The following KATNIP variants were observed in gnomAD, a reference collection of about 807,000 sequenced individuals.
The protein encoded by KATNIP is katanin interacting protein.
Under a neutral mutation model 174.0 loss-of-function variants are expected in KATNIP, and 126 were observed. The ratio of observed to expected loss-of-function variants is 0.72; its 90% CI spans 0.63 to 0.84. The LOEUF is 0.84. Among genes scored for constraint, KATNIP ranks in the 40% least tolerant of loss-of-function variants. The pLI is 0.00. For synonymous variants in KATNIP, 810 were observed against 835.7 expected (o/e 0.97, Z 0.53); for missense variants, 1,958 against 2,109.7 (o/e 0.93, Z 1.41).
At chr16:27,632,004 G>A (rs1012152109) in intron 5 of KATNIP, among the ~76,000 whole-genome samples, 8 of 152,168 alleles carry the variant, frequency 5.3e-5, no homozygotes, top group Non-Finnish European at 1.5e-5. Context: ...TCTTTATAAG[G>A]AGCTGAAGAG....
intron 13 of KATNIP, among the ~76,000 whole-genome samples, chr16:27,716,990 G>A (rs1335133088): frequency 6.6e-6 from 1 of 151,948 alleles, no homozygotes; most frequent in Non-Finnish European, 1.5e-5. Flanking sequence ...GACTACGGGC[G>A]GCGCCACCAC....
chr16:27,746,322 A>G (rs889678378), intron 15 of KATNIP, among the ~76,000 whole-genome samples: 3 of 152,188 alleles, frequency 2.0e-5, no homozygotes, highest in Non-Finnish European at 4.4e-5. Context: ...AGTGGAAATC[A>G]AATCACATAA....
chr16:27,695,315 C>T (rs760498033), intron 8 of KATNIP, among the ~76,000 whole-genome samples: 3 of 152,230 alleles, frequency 2.0e-5, no homozygotes, highest in East Asian at 3.8e-4. Context: ...CAGTGCCCTG[C>T]AAGGCCCTGC....
At chr16:27,654,958 T>G (rs2077221297) in intron 6 of KATNIP, among the ~76,000 whole-genome samples, 2 of 151,376 alleles carry the variant, frequency 1.3e-5, no homozygotes, top group South Asian at 4.2e-4. Flanking sequence ...CAAGACCTTG[T>G]CTCAACTAAA....
At chr16:27,607,120 C>T (rs903121184) in intron 2 of KATNIP, among the ~76,000 whole-genome samples, 2 of 152,090 alleles carry the variant, frequency 1.3e-5, no homozygotes, top group South Asian at 4.1e-4. Flanking sequence ...AATGCACTGG[C>T]CGGGCCTGCA....
intron 6 of KATNIP, among the ~76,000 whole-genome samples, chr16:27,665,663 C>T (rs1161947769): frequency 4.2e-4 from 63 of 150,988 alleles, no homozygotes; most frequent in Non-Finnish European, 3.8e-4. Flanking sequence ...TGCACTGGTA[C>T]GATCTTGGCT....
At chr16:27,654,816 T>C in intron 6 of KATNIP, 5 of 1,272,702 alleles carry the variant, frequency 3.9e-6, no homozygotes, top group South Asian at 1.2e-5. Flanking sequence ...TGCCTTAAGA[T>C]GGACTCCGTG....
At chr16:27,620,678 G>A (rs376056371) in intron 3 of KATNIP, among the ~76,000 whole-genome samples, 23 of 152,284 alleles carry the variant, frequency 1.5e-4, no homozygotes, top group African/African-American at 3.6e-4. Flanking sequence ...TGAGCTTTAC[G>A]CTGGACATTG....
At chr16:27,715,394 A>G (rs1289294304) in intron 13 of KATNIP, among the ~76,000 whole-genome samples, 3 of 152,242 alleles carry the variant, frequency 2.0e-5, no homozygotes, top group East Asian at 1.9e-4. Context: ...AGTCTTAGCT[A>G]TGACATCCAA....
chr16:27,771,871 G>A (rs868324975), intron 22 of KATNIP, among the ~76,000 whole-genome samples: 7 of 152,186 alleles, frequency 4.6e-5, no homozygotes, highest in Non-Finnish European at 8.8e-5. Flanking sequence ...GCTGGAGGGG[G>A]CAGCACCCAG....
Position 27,721,801 on chromosome 16 carries a change from C to T in KATNIP, c.1743+106C>T, listed in dbSNP as rs982199469. 1.1e-4 allele frequency: 143 copies of T among 1,284,784 alleles called. No homozygotes were observed. In the East Asian group the frequency reaches 2.9e-3, roughly 26 times the overall value. The allele number at this position is 1,284,784 out of a possible 1,614,324, so 79.6% of individuals were successfully genotyped here. On this transcript the variant is annotated intron_variant, in intron 14 of 27. Transcript: ENST00000261588. Reference sequence around the variant, plus strand: ...AGTTGCAAAATGGATACACGGAAGCCCTGCTGGCCTCGTGTGTGCAGCAAG... The same window carrying T: ...AGTTGCAAAATGGATACACGGAAGCTCTGCTGGCCTCGTGTGTGCAGCAAG...
In KATNIP at chr16:27,731,245, C is replaced by T. The variant is rs963302364; in HGVS notation, c.1744-8796C>T. On this transcript the variant is annotated intron_variant, in intron 14 of 27. Transcript: ENST00000261588. ...TTTTGACCTCAGTATGCATGGGGCT[C>T]CTCCTATGGCTGCTGCCAACCTCTG... Among the ~76,000 whole-genome samples the T allele has an allele frequency of 2.6e-5, 4 of 152,188 alleles. No homozygotes were observed. The South Asian group carries it at 6.2e-4, about 24-fold the overall frequency.
chr16:27,677,471 C>A (rs773551788), intron 6 of KATNIP, among the ~76,000 whole-genome samples: 2 of 152,038 alleles, frequency 1.3e-5, no homozygotes, highest in Admixed American at 1.3e-4. Context: ...CACTCCCCCC[C>A]ACCCCACCTT....
At chr16:27,704,055 C>G in intron 12 of KATNIP, 57 bp downstream of exon 12, 1 of 1,365,750 alleles carries the variant, frequency 7.3e-7, no homozygotes, top group Non-Finnish European at 1.0e-6. Context: ...TCAGAACAGG[C>G]ATTTCGCATC....
intron 3 of KATNIP, among the ~76,000 whole-genome samples, chr16:27,619,020 G>C (rs555131098): frequency 6.6e-6 from 1 of 152,332 alleles, no homozygotes; most frequent in East Asian, 1.9e-4. Context: ...TAGCGATCAA[G>C]GTCAAAACAT....
At chr16:27,716,032 A>G (rs537696006) in intron 13 of KATNIP, among the ~76,000 whole-genome samples, 1 of 152,328 alleles carries the variant, frequency 6.6e-6, no homozygotes, top group South Asian at 2.1e-4. Flanking sequence ...CAGAATAGCC[A>G]AAAAGTAGTA....
Position 27,647,903 on chromosome 16 carries a change from G to A in KATNIP, c.409-701G>A, listed in dbSNP as rs577325348. Among the ~76,000 whole-genome samples, 17 of 152,078 alleles carry A rather than the reference G, an allele frequency of 1.1e-4. No homozygotes were observed. The East Asian group carries it at 1.7e-3, about 16-fold the overall frequency. On this transcript the variant is annotated intron_variant, in intron 5 of 27. Coordinates refer to ENST00000261588, the MANE Select transcript of KATNIP (RefSeq NM_015202.5). ...TGGCCTCAAGTGATCCTCCTGCCTC[G>A]GCCTTCCAAAATCCTGAGATTACAG...
intron 6 of KATNIP, among the ~76,000 whole-genome samples, chr16:27,662,691 A>G (rs2077564358): frequency 6.6e-6 from 1 of 152,170 alleles, no homozygotes; most frequent in Non-Finnish European, 1.5e-5. Context: ...AATAAAGCAT[A>G]TTTTTCAATC....
chr16:27,751,591 A>G, intron 16 of KATNIP, 128 bp from the exon 17 acceptor site: 1 of 785,014 alleles, frequency 1.3e-6, no homozygotes. Context: ...AATAAGGCTC[A>G]CACTAATCAA....
Sources: allele counts gnomAD v4.1 joint callset (sites outside exome capture counted in the v4.1 genomes callset), GRCh38; gene constraint gnomAD v4.1.1; transcripts MANE v1.5; gene names NCBI Gene and HGNC (gene_info 2026-07-23, HGNC 2026-07-21).